The following FBXL17 variants were observed in gnomAD, a reference collection of about 807,000 sequenced individuals.
FBXL17 encodes F-box/LRR-repeat protein 17.
A neutral mutation model predicts 66.2 loss-of-function variants in FBXL17; 22 were observed. The ratio of observed to expected loss-of-function variants is 0.33; its 90% CI spans 0.24 to 0.47. The LOEUF is 0.47. Among genes scored for constraint, FBXL17 ranks in the 20% least tolerant of loss-of-function variants. The probability of loss-of-function intolerance (pLI) is 1.00; values close to 1 mark genes in which losing one functional copy is unlikely to be tolerated. For synonymous variants in FBXL17, 474 were observed against 400.5 expected, an observed-to-expected ratio of 1.18 and a Z score of -2.19; for missense variants, 878 against 948.2, an observed-to-expected ratio of 0.93 and a Z score of 0.97.
At chr5:107,944,971 A>G (rs1400282239) in intron 7 of FBXL17, among the ~76,000 whole-genome samples, 2 of 152,110 alleles carry the variant, frequency 1.3e-5, no homozygotes, top group African/African-American at 4.8e-5. Context: ...ATAATAAAAT[A>G]AAAGTCAAGC....
At chr5:108,074,267 C>T (rs1230575816) in intron 6 of FBXL17, among the ~76,000 whole-genome samples, 1 of 150,184 alleles carries the variant, frequency 6.7e-6, no homozygotes, top group Non-Finnish European at 1.5e-5. Flanking sequence ...CCAGGGTTAT[C>T]GGCAGTTTGT....
intron 4 of FBXL17, among the ~76,000 whole-genome samples, chr5:108,286,396 A>G (rs2150156283): frequency 6.6e-6 from 1 of 152,062 alleles, no homozygotes; most frequent in South Asian, 2.1e-4. Context: ...AAAACCCTGT[A>G]GCATCTGCCC....
At chr5:108,375,700 A>G (rs1026129968) in intron 1 of FBXL17, among the ~76,000 whole-genome samples, 3 of 152,346 alleles carry the variant, frequency 2.0e-5, no homozygotes, top group East Asian at 3.9e-4. Context: ...ATATGCTTCA[A>G]TAAGAATGAA....
intron 8 of FBXL17, among the ~76,000 whole-genome samples, chr5:107,873,890 G>A (rs1235726096): frequency 2.0e-5 from 3 of 152,108 alleles, no homozygotes; most frequent in Non-Finnish European, 4.4e-5. Context: ...GGAACAGTAG[G>A]CTCTCTCCTT....
rs1391598564 is a variant in FBXL17 at position 108,367,945 on chromosome 5, G to A, written c.1002C>T (p.Ser334=). 1 of 1,549,874 alleles carries A rather than the reference G, an allele frequency of 6.5e-7. No individual in the cohort carries two copies. Among genetic ancestry groups the A allele is most frequent in the African/African-American group, 1.4e-5 (1 of 72,890 alleles). The change falls in exon 2 of 9, where the codon TCC becomes TCT. Residue 334 remains serine, a synonymous_variant. Coordinates refer to ENST00000542267, the MANE Select transcript of FBXL17 (RefSeq NM_001163315.3). ...LPPSILLKIF[S]NLSLDERCLS... is the part of the protein sequence containing the mutation. ...GGCAACGCTCATCCAGTGACAAATT[G>A]GAAAATATCTGTGAATAAAAAACGG...
intron 4 of FBXL17, among the ~76,000 whole-genome samples, chr5:108,273,204 G>A (rs1272985400): frequency 2.0e-5 from 3 of 152,080 alleles, no homozygotes; most frequent in Non-Finnish European, 4.4e-5. Context: ...CCATAGGACC[G>A]AGGCGGGATA....
intron 6 of FBXL17, among the ~76,000 whole-genome samples, chr5:108,179,088 C>A (rs1473644753): frequency 6.6e-6 from 1 of 152,112 alleles, no homozygotes; most frequent in Non-Finnish European, 1.5e-5. Context: ...TCTATCCAGA[C>A]CTTGAACACT....
At position 108,255,170 on chromosome 5, in the gene FBXL17, T is replaced by G. The variant is rs181376464; in HGVS notation, c.1507-30942A>C. On this transcript the variant is annotated intron_variant, in intron 4 of 8. Transcript: ENST00000542267. ...TATTTTTCAACATAATAAAATACAT[T>G]TTTTGCAAATCCTGAAAAACATTAA... 4.7e-3 allele frequency among the ~76,000 whole-genome samples: 718 copies of G among 152,288 alleles called. 2 individuals carry two copies. The highest frequency in any genetic ancestry group is 8.7e-3 in the South Asian group (42 of 4,830).
chr5:107,878,145 A>C, intron 8 of FBXL17: 1 of 693,538 alleles, frequency 1.4e-6, no homozygotes, highest in Non-Finnish European at 1.8e-6. Flanking sequence ...AGAAAGTGTA[A>C]TTACTGACAT....
At chr5:108,283,033 C>A (rs1296269195) in intron 4 of FBXL17, among the ~76,000 whole-genome samples, 1 of 151,508 alleles carries the variant, frequency 6.6e-6, no homozygotes, top group Non-Finnish European at 1.5e-5. Flanking sequence ...ACAGCCCATG[C>A]TCACAGATCA....
intron 2 of FBXL17, among the ~76,000 whole-genome samples, chr5:108,365,865 C>T (rs951736876): frequency 6.6e-6 from 1 of 152,052 alleles, no homozygotes; most frequent in Admixed American, 6.6e-5. Context: ...AAAACACCAA[C>T]AAAGGATATG....
intron 7 of FBXL17, among the ~76,000 whole-genome samples, chr5:107,982,429 G>A (rs1358021907): frequency 3.3e-5 from 5 of 151,374 alleles, no homozygotes; most frequent in African/African-American, 4.9e-5. Flanking sequence ...TTTGCTTTAT[G>A]AGGCTTTTCT....
Position 108,233,042 on chromosome 5 carries a change from G to T in FBXL17, c.1507-8814C>A, listed in dbSNP as rs544188150. On this transcript the variant is annotated intron_variant, in intron 4 of 8. Coordinates refer to ENST00000542267, the MANE Select transcript of FBXL17 (RefSeq NM_001163315.3). ...TTCATTTCTCTTGAGTAAATATCTAGGAGTAGAACTGGTGAGTCACACAAA... is the reference window on the plus strand; with the variant it reads ...TTCATTTCTCTTGAGTAAATATCTATGAGTAGAACTGGTGAGTCACACAAA... Among the ~76,000 whole-genome samples the T allele has an allele frequency of 9.2e-5, 14 of 151,704 alleles. No individual in the cohort carries two copies. In the South Asian group the frequency reaches 2.9e-3, roughly 32 times the overall value.
intron 6 of FBXL17, among the ~76,000 whole-genome samples, chr5:108,055,378 G>A (rs1215899648): frequency 6.8e-6 from 1 of 148,050 alleles, no homozygotes; most frequent in African/African-American, 2.5e-5. Flanking sequence ...AGAGGCCGAG[G>A]CGGGCGGATC....
chr5:108,105,042 C>A (rs976185934), intron 6 of FBXL17, among the ~76,000 whole-genome samples: 1 of 152,108 alleles, frequency 6.6e-6, no homozygotes, highest in African/African-American at 2.4e-5. Context: ...AGGGTTTCAC[C>A]GTGTTAGCTA....
intron 4 of FBXL17, among the ~76,000 whole-genome samples, chr5:108,247,763 G>GCT (rs1410525876): frequency 6.6e-6 from 1 of 152,038 alleles, no homozygotes; most frequent in Non-Finnish European, 1.5e-5. Context: ...GCTTTTAGTG[G>GCT]TTTACATCAT....
chr5:108,095,519 T>C (rs1427751141), intron 6 of FBXL17, among the ~76,000 whole-genome samples: 2 of 152,044 alleles, frequency 1.3e-5, no homozygotes, highest in African/African-American at 4.8e-5. Flanking sequence ...GGTAGATCAG[T>C]TGAGTAGCTA....
At chr5:108,088,028 C>A (rs1029969074) in intron 6 of FBXL17, among the ~76,000 whole-genome samples, 1 of 151,896 alleles carries the variant, frequency 6.6e-6, no homozygotes, top group Non-Finnish European at 1.5e-5. Context: ...CATGTATAAT[C>A]TGGGTAAGAT....
chr5:108,109,165 C>G (rs1749933827), intron 6 of FBXL17, among the ~76,000 whole-genome samples: 1 of 152,098 alleles, frequency 6.6e-6, no homozygotes, highest in Non-Finnish European at 1.5e-5. Flanking sequence ...AAAGGAAGGA[C>G]AAAGAGTAAT....
Sources: gnomAD v4.1 joint callset for allele counts (sites outside exome capture counted in the v4.1 genomes callset) on GRCh38, gnomAD v4.1.1 for gene constraint, MANE v1.5 for transcripts, NCBI Gene and HGNC (gene_info 2026-07-23, HGNC 2026-07-21) for gene names.